The following CLVS1 variants were observed in gnomAD, a reference collection of about 807,000 sequenced individuals.
CLVS1 encodes clavesin 1.
CLVS1 carries 10 observed loss-of-function variants against 33.1 expected under a neutral mutation model. The observed-to-expected ratio is 0.30, with a 90% confidence interval of 0.19 to 0.51. CLVS1 has a LOEUF of 0.51. Among genes scored for constraint, CLVS1 ranks in the 20% least tolerant of loss-of-function variants. The pLI, the probability that CLVS1 is intolerant of heterozygous loss-of-function variation, is 0.97. For missense variants in CLVS1, 343 were observed against 433.4 expected (o/e 0.79, Z 1.85); for synonymous variants, 163 against 166.1 (o/e 0.98, Z 0.14).
Position 61,218,040 on chromosome 8 carries a change from A to G in CLVS1, c.-151-81637A>G, listed in dbSNP as rs1808129288. Among the ~76,000 whole-genome samples the G allele has an allele frequency of 2.0e-5, 3 of 152,176 alleles. No homozygotes were observed. The South Asian group carries it at 6.2e-4, about 31-fold the overall frequency. ...ATGATATGGAGAAACGGGGACTCAT[A>G]CATTGTTGGTGGGAATGTAAACTAG... On this transcript the variant is annotated intron_variant, in intron 2 of 2. Transcript: ENST00000522621.
At chr8:61,387,629 C>A (rs918229052) in intron 3 of CLVS1, among the ~76,000 whole-genome samples, 6 of 152,046 alleles carry the variant, frequency 3.9e-5, no homozygotes, top group African/African-American at 1.4e-4. Flanking sequence ...CACACAACCC[C>A]CTCCTAAACT....
chr8:61,121,375 A>T (rs890010698), intron 1 of CLVS1, among the ~76,000 whole-genome samples: 1 of 151,958 alleles, frequency 6.6e-6, no homozygotes, highest in African/African-American at 2.4e-5. Flanking sequence ...AGCTGTTCCT[A>T]TTCGGCCATC....
chr8:61,121,253 A>T (rs953060544), intron 1 of CLVS1, among the ~76,000 whole-genome samples: 5 of 152,042 alleles, frequency 3.3e-5, no homozygotes, highest in African/African-American at 1.2e-4. Context: ...GCGCGCACCC[A>T]CTGACCTGCA....
chr8:61,479,739 G>A lies in CLVS1; in HGVS notation c.978-19716G>A, dbSNP rs548792597. ...TTATCTACCTTTGGTTTTTGATGTC[G>A]GTGATGTACAGATAGGTTTTTGGTG... On this transcript the variant is annotated intron_variant, in intron 5 of 5. Transcript: ENST00000325897. 3.9e-5 allele frequency among the ~76,000 whole-genome samples: 6 copies of A among 152,138 alleles called. No homozygotes were observed. The East Asian group carries it at 9.7e-4, about 24-fold the overall frequency.
chr8:61,482,738 T>G (rs1818244528), intron 5 of CLVS1, among the ~76,000 whole-genome samples: 1 of 152,040 alleles, frequency 6.6e-6, no homozygotes, highest in South Asian at 2.1e-4. Flanking sequence ...TATAACAAAC[T>G]GTCTCTCAGA....
At chr8:61,190,776 G>C (rs1198648853) in intron 2 of CLVS1, among the ~76,000 whole-genome samples, 1 of 152,172 alleles carries the variant, frequency 6.6e-6, no homozygotes, top group Non-Finnish European at 1.5e-5. Flanking sequence ...AAATCTAGAA[G>C]AAATGCATAA....
chr8:61,162,005 A>C (rs34630752), intron 2 of CLVS1, among the ~76,000 whole-genome samples: 5,245 of 64,630 alleles, frequency 0.081, 98 homozygotes, highest in Middle Eastern at 0.19. Context: ...AAAAAAAAAA[A>C]CGTAGTGTTG....
chr8:61,039,075 C>T, the CLVS1 span, among the ~76,000 whole-genome samples: 17,007 of 152,030 alleles, frequency 0.11, 1,429 homozygotes, highest in African/African-American at 0.23. Context: ...AACTCAGTGC[C>T]GACTTTGCCT....
At chr8:61,114,925 A>G (rs1012891450) in intron 1 of CLVS1, among the ~76,000 whole-genome samples, 1 of 152,250 alleles carries the variant, frequency 6.6e-6, no homozygotes, top group Non-Finnish European at 1.5e-5. Context: ...GCACTGGAAG[A>G]TCAGAAAAAG....
intron 3 of CLVS1, among the ~76,000 whole-genome samples, chr8:61,390,351 T>C (rs1338887166): frequency 6.6e-6 from 1 of 152,226 alleles, no homozygotes; most frequent in South Asian, 2.1e-4. Context: ...GTTGAATGTT[T>C]AGATTGTTCC....
intron 3 of CLVS1, among the ~76,000 whole-genome samples, chr8:61,410,872 C>T (rs1056778596): frequency 6.6e-6 from 1 of 152,128 alleles, no homozygotes; most frequent in East Asian, 1.9e-4. Context: ...GAACTCCTGA[C>T]CTCAAGTGAT....
intron 1 of CLVS1, among the ~76,000 whole-genome samples, chr8:61,081,100 T>A (rs550402745): frequency 4.6e-5 from 7 of 152,246 alleles, no homozygotes; most frequent in African/African-American, 1.7e-4. Context: ...GGACTAGGAA[T>A]GTTGTATTTA....
intron 2 of CLVS1, among the ~76,000 whole-genome samples, chr8:61,230,845 G>A (rs1808415921): frequency 6.6e-6 from 1 of 152,156 alleles, no homozygotes; most frequent in Non-Finnish European, 1.5e-5. Context: ...GGCAGACTTG[G>A]TGTCTGGTGA....
chr8:61,415,998 C>A (rs559652738), intron 3 of CLVS1, among the ~76,000 whole-genome samples: 1 of 152,284 alleles, frequency 6.6e-6, no homozygotes. Context: ...CCAAAGCATA[C>A]GTGCATGGAT....
chr8:61,499,054 A>AAAG (rs1804415339), intron 5 of CLVS1, among the ~76,000 whole-genome samples: 2 of 152,254 alleles, frequency 1.3e-5, no homozygotes, highest in African/African-American at 4.8e-5. Context: ...AGATCACTGC[A>AAAG]AAGATTATTC....
the CLVS1 span, among the ~76,000 whole-genome samples, chr8:60,986,801 C>T: frequency 2.0e-5 from 3 of 152,146 alleles, no homozygotes; most frequent in African/African-American, 7.2e-5. Flanking sequence ...TTATGGGTAA[C>T]ATCGTACTGG....
At chr8:61,117,763 A>T (rs1373336188) in intron 1 of CLVS1, among the ~76,000 whole-genome samples, 4 of 152,332 alleles carry the variant, frequency 2.6e-5, no homozygotes, top group African/African-American at 7.2e-5. Flanking sequence ...GTGCTGCTGG[A>T]TTCGGAGTGC....
the CLVS1 span, among the ~76,000 whole-genome samples, chr8:61,004,716 C>A: frequency 6.6e-6 from 1 of 152,158 alleles, no homozygotes; most frequent in Non-Finnish European, 1.5e-5. Context: ...GGCAGCAGGG[C>A]TGCGGGGGAG....
At chr8:61,008,166 C>A in the CLVS1 span, among the ~76,000 whole-genome samples, 1 of 152,304 alleles carries the variant, frequency 6.6e-6, no homozygotes, top group Non-Finnish European at 1.5e-5. Context: ...CAAACACAGT[C>A]ACTGTTTTGC....
Sources: allele counts gnomAD v4.1 joint callset (sites outside exome capture counted in the v4.1 genomes callset), GRCh38; gene constraint gnomAD v4.1.1; transcripts MANE v1.5; gene names NCBI Gene and HGNC (gene_info 2026-07-23, HGNC 2026-07-21).